Variants in BPGM observed in about 807,000 individuals in gnomAD.
BPGM encodes the protein bisphosphoglycerate mutase.
A neutral mutation model predicts 21.6 loss-of-function variants in BPGM; 15 were observed. That is an observed-to-expected ratio of 0.70 (90% CI 0.47 to 1.07). The LOEUF is 1.07. BPGM is among the 50% of genes least tolerant of loss of function. BPGM has a pLI of 0.00. For missense variants in BPGM, 273 were observed against 319.0 expected (o/e 0.86, Z 1.10); for synonymous variants, 113 against 116.2 (o/e 0.97, Z 0.18).
intron 1 of BPGM, among the ~76,000 whole-genome samples, chr7:134,656,191 G>A (rs2131421412): frequency 6.6e-6 from 1 of 152,274 alleles, no homozygotes; most frequent in East Asian, 1.9e-4. Flanking sequence ...ATTAAAGTTT[G>A]AGAACCACTG....
chr7:134,661,404 G>T lies in BPGM; in HGVS notation c.-61-43G>T. ...AAAGCGATGTTTCTATTCCTAGATT[G>T]TCAGTTGAATATAACTTAGACTTGT... is the stretch of plus-strand genomic sequence containing the variant. On this transcript the variant is annotated intron_variant, in intron 1 of 2. Transcript: ENST00000344924. The surrounding 1 kb of genome is among the most constrained non-coding windows in gnomAD (Gnocchi z 4.6). The T allele has an allele frequency of 6.6e-7, 1 of 1,517,976 alleles. No homozygotes were observed. Among genetic ancestry groups the T allele is most frequent in the Non-Finnish European group, 9.1e-7 (1 of 1,101,626 alleles). The allele number at this position is 1,517,976 out of a possible 1,614,324, so 94.0% of individuals were successfully genotyped here.
intron 2 of BPGM, among the ~76,000 whole-genome samples, chr7:134,663,366 A>ATG (rs937900039): frequency 4.9e-5 from 5 of 103,072 alleles, no homozygotes; most frequent in East Asian, 1.4e-3. Flanking sequence ...ATGGCACTTG[A>ATG]TATGTGTGTG....
rs1048704773 is a variant in BPGM, at chr7:134,662,116, C to G, written c.601+8C>G. The G allele has an allele frequency of 6.2e-7, 1 of 1,613,970 alleles. No homozygotes were observed. The highest frequency in any genetic ancestry group is 1.3e-5 in the African/African-American group (1 of 75,040). On this transcript the variant is annotated splice_region_variant and intron_variant, in intron 2 of 2. Coordinates refer to ENST00000344924, the MANE Select transcript of BPGM (RefSeq NM_001724.5). ...TCCTAAAACACCTGGAAGGTACCAGCTTTATATACCACTTATTAGAGGTTG... is the reference window on the plus strand; with the variant it reads ...TCCTAAAACACCTGGAAGGTACCAGGTTTATATACCACTTATTAGAGGTTG...
intron 1 of BPGM, among the ~76,000 whole-genome samples, chr7:134,659,892 C>T (rs1025098): frequency 0.59 from 88,922 of 151,998 alleles, 27,083 homozygotes; most frequent in East Asian, 0.89. Context: ...GGGGAAATGA[C>T]TGATATTCAG....
chr7:134,676,769 A>C (rs2131465572), intron 2 of BPGM, among the ~76,000 whole-genome samples: 2 of 152,330 alleles, frequency 1.3e-5, no homozygotes, highest in Middle Eastern at 3.4e-3. Context: ...TTAGGTTTGG[A>C]GACCTCCAGA....
intron 1 of BPGM, among the ~76,000 whole-genome samples, chr7:134,655,553 CTGTG>C (rs1422224012): frequency 6.6e-6 from 1 of 152,160 alleles, no homozygotes; most frequent in African/African-American, 2.4e-5. Context: ...CCATTTTTTT[CTGTG>C]GAGATTATGG....
intron 1 of BPGM, among the ~76,000 whole-genome samples, chr7:134,659,245 G>A (rs983423065): frequency 2.6e-5 from 4 of 152,114 alleles, no homozygotes; most frequent in African/African-American, 9.7e-5. Context: ...ATGATCAATG[G>A]TTACAAAGGG....
chr7:134,654,564 C>G (rs1308646254), intron 1 of BPGM, among the ~76,000 whole-genome samples: 7 of 152,130 alleles, frequency 4.6e-5, no homozygotes, highest in African/African-American at 7.2e-5. Flanking sequence ...TGCCAAGTAA[C>G]ATTGAACTAA....
rs535766001 is a variant in BPGM, at chr7:134,648,078, G to A, written c.-62+1141G>A. Among the ~76,000 whole-genome samples, 5 of 151,042 alleles carry A rather than the reference G, an allele frequency of 3.3e-5. No homozygotes were observed. The East Asian group carries it at 7.8e-4, about 24-fold the overall frequency. ...CTCCCAAAGTGCTGGGATTACAGGC[G>A]TGAGCCACCGTGCCTGGCCTTGTCT... is the stretch of plus-strand genomic sequence containing the variant. On this transcript the variant is annotated intron_variant, in intron 1 of 2. Transcript: ENST00000344924.
At chr7:134,672,339 TA>T (rs1795918427) in intron 2 of BPGM, among the ~76,000 whole-genome samples, 1 of 151,912 alleles carries the variant, frequency 6.6e-6, no homozygotes, top group South Asian at 2.1e-4. Flanking sequence ...AAGACAAGGG[TA>T]GCTGTGAAGG....
At chr7:134,667,219 A>T (rs1795834014) in intron 2 of BPGM, among the ~76,000 whole-genome samples, 1 of 152,230 alleles carries the variant, frequency 6.6e-6, no homozygotes, top group South Asian at 2.1e-4. Flanking sequence ...TTGCCAGTTC[A>T]TGTGTATGTG....
intron 2 of BPGM, among the ~76,000 whole-genome samples, chr7:134,672,610 A>G (rs1795922954): frequency 6.6e-6 from 1 of 152,154 alleles, no homozygotes; most frequent in Non-Finnish European, 1.5e-5. Flanking sequence ...CCAACCCTGG[A>G]ACAATATGGA....
At chr7:134,660,770 A>G (rs1795717736) in intron 1 of BPGM, 1 of 152,404 alleles carries the variant, frequency 6.6e-6, no homozygotes, top group East Asian at 1.9e-4. Context: ...GGTAGGTGCA[A>G]GATTATTTAG....
intron 1 of BPGM, among the ~76,000 whole-genome samples, chr7:134,648,820 A>C (rs1795511261): frequency 6.6e-6 from 1 of 152,166 alleles, no homozygotes; most frequent in African/African-American, 2.4e-5. Flanking sequence ...GCATCTTTAG[A>C]AAGCAGATGT....
rs1796020233 is a variant in BPGM, at chr7:134,678,877, A to G, written c.626A>G (p.Asn209Ser). The G allele has an allele frequency of 1.9e-6, 3 of 1,614,110 alleles. No individual in the cohort carries two copies. The highest frequency in any genetic ancestry group is 1.6e-4 in the Middle Eastern group (1 of 6,062). Reference sequence around the variant, plus strand: ...GGTATCTCAGATGAAGACATCATCAACATTACTCTTCCTACTGGAGTCCCC... The same window carrying G: ...GGTATCTCAGATGAAGACATCATCAGCATTACTCTTCCTACTGGAGTCCCC... ...LEGISDEDII[N>S]ITLPTGVPIL... The change falls in exon 3 of 3, where the codon AAC (asparagine) becomes AGC (serine). Residue 209 changes from asparagine to serine, a missense_variant. Asn to Ser is a conservative substitution (Grantham distance 46, BLOSUM62 1). Transcript: ENST00000344924.
intron 2 of BPGM, among the ~76,000 whole-genome samples, chr7:134,663,258 C>T (rs952861490): frequency 1.3e-5 from 2 of 152,118 alleles, no homozygotes; most frequent in African/African-American, 2.4e-5. Flanking sequence ...TATAACATGA[C>T]CAAGAACTAA....
intron 1 of BPGM, among the ~76,000 whole-genome samples, chr7:134,649,422 G>A (rs888204545): frequency 1.3e-5 from 2 of 152,170 alleles, no homozygotes. Flanking sequence ...GTGGTTGGTT[G>A]AGATTAAGAG....
chr7:134,655,976 A>G (rs1795631350), intron 1 of BPGM, among the ~76,000 whole-genome samples: 1 of 152,200 alleles, frequency 6.6e-6, no homozygotes, highest in Non-Finnish European at 1.5e-5. Flanking sequence ...ATGCTACAGG[A>G]GTAGGTCAGC....
chr7:134,669,273 AGCAC>A (rs1795867118), intron 2 of BPGM, among the ~76,000 whole-genome samples: 1 of 152,228 alleles, frequency 6.6e-6, no homozygotes, highest in Non-Finnish European at 1.5e-5. Context: ...TTCTGACTTT[AGCAC>A]CTAAACCATG....
Sources: gnomAD v4.1 joint callset for allele counts (sites outside exome capture counted in the v4.1 genomes callset) on GRCh38, gnomAD v4.1.1 for gene constraint, Gnocchi (gnomAD v3.1) non-coding constraint, MANE v1.5 for transcripts, NCBI Gene and HGNC (gene_info 2026-07-23, HGNC 2026-07-21) for gene names.